CNTN4: variants seen among roughly 807,000 people sequenced by gnomAD.
CNTN4 encodes the protein contactin-4.
In CNTN4, 77 loss-of-function variants were observed where a neutral mutation model predicts 122.5. The ratio of observed to expected loss-of-function variants is 0.63; its 90% confidence interval spans 0.52 to 0.76. The LOEUF (loss-of-function observed/expected upper bound fraction) is 0.76. Ranked by LOEUF, CNTN4 falls within the 30% of genes least tolerant of loss-of-function variation. The probability of loss-of-function intolerance (pLI) is 0.00; values close to 1 mark genes in which losing one functional copy is unlikely to be tolerated. For missense variants in CNTN4, 1,256 were observed against 1,259.1 expected, an observed-to-expected ratio of 1.00 and a Z score of 0.04; for synonymous variants, 512 against 447.0, an observed-to-expected ratio of 1.15 and a Z score of -1.83.
chr3:2,571,100 G>A (rs1394048692), intron 3 of CNTN4, among the ~76,000 whole-genome samples: 1 of 152,070 alleles, frequency 6.6e-6, no homozygotes, highest in East Asian at 1.9e-4. Flanking sequence ...AACAGGATCT[G>A]GACAAAGAGA....
intron 6 of CNTN4, among the ~76,000 whole-genome samples, chr3:2,746,865 T>C (rs2089798170): frequency 6.6e-6 from 1 of 152,224 alleles, no homozygotes; most frequent in Admixed American, 6.5e-5. Flanking sequence ...GAATAATATG[T>C]GTGATTGAAT....
rs1491374676 is a variant in CNTN4, at chr3:2,573,704, T to TC, written c.55+2146_55+2147insC. 3.3e-5 allele frequency among the ~76,000 whole-genome samples: 5 copies of TC among 152,196 alleles called. No homozygotes were observed. The East Asian group carries it at 9.6e-4, about 29-fold the overall frequency. On this transcript the variant is annotated intron_variant, in intron 4 of 24. Transcript: ENST00000418658. ...TTCTCACCTAAGGTGTGTGTGTAAC[T>TC]GTATCTATTTTATTCACTTAGCTTT...
At chr3:3,022,110 G>A (rs1051946534) in intron 14 of CNTN4, among the ~76,000 whole-genome samples, 1 of 151,660 alleles carries the variant, frequency 6.6e-6, no homozygotes, top group Non-Finnish European at 1.5e-5. Context: ...TGGGCATGGT[G>A]GTGTGCACCT....
At chr3:2,592,212 T>G (rs1251784509) in intron 4 of CNTN4, among the ~76,000 whole-genome samples, 2 of 152,214 alleles carry the variant, frequency 1.3e-5, no homozygotes, top group Admixed American at 1.3e-4. Flanking sequence ...GGCCCTGACT[T>G]TTTATTGTCT....
intron 6 of CNTN4, among the ~76,000 whole-genome samples, chr3:2,762,157 G>A (rs2090620354): frequency 6.6e-6 from 1 of 152,182 alleles, no homozygotes; most frequent in Non-Finnish European, 1.5e-5. Flanking sequence ...GGCAGAATAA[G>A]CAGTAGAAAA....
chr3:2,896,765 A>C (rs994985797), intron 10 of CNTN4, among the ~76,000 whole-genome samples: 9 of 152,166 alleles, frequency 5.9e-5, no homozygotes, highest in African/African-American at 2.2e-4. Context: ...ACTAAAGCCA[A>C]GTAATTATCT....
chr3:2,567,932 C>T (rs1346039728), intron 3 of CNTN4, among the ~76,000 whole-genome samples: 1 of 152,140 alleles, frequency 6.6e-6, no homozygotes, highest in Non-Finnish European at 1.5e-5. Context: ...ACTTACTGCA[C>T]ACATTGCACC....
chr3:2,365,730 A>AT (rs2045351998), intron 3 of CNTN4, among the ~76,000 whole-genome samples: 2 of 152,160 alleles, frequency 1.3e-5, no homozygotes, highest in Admixed American at 6.5e-5. Flanking sequence ...TAAATAAAAA[A>AT]ATATATATAT....
chr3:2,865,639 A>G (rs1481120794), intron 7 of CNTN4, among the ~76,000 whole-genome samples: 1 of 152,206 alleles, frequency 6.6e-6, no homozygotes, highest in Non-Finnish European at 1.5e-5. Context: ...AGTAGCTAGT[A>G]TATCACTTCT....
chr3:2,859,834 C>A (rs1046111295), intron 7 of CNTN4, among the ~76,000 whole-genome samples: 1 of 152,068 alleles, frequency 6.6e-6, no homozygotes, highest in Admixed American at 6.5e-5. Context: ...CCGTAACTTC[C>A]ACCCACAATT....
intron 3 of CNTN4, among the ~76,000 whole-genome samples, chr3:2,462,575 T>C (rs879322843): frequency 6.6e-6 from 1 of 152,236 alleles, no homozygotes; most frequent in Admixed American, 6.5e-5. Flanking sequence ...AAACCTATTT[T>C]GCAGATTTTG....
intron 6 of CNTN4, among the ~76,000 whole-genome samples, chr3:2,757,874 G>C (rs77470387): frequency 6.8e-4 from 103 of 152,258 alleles, no homozygotes; most frequent in African/African-American, 2.3e-3. Flanking sequence ...TAAACTCTCA[G>C]TAGATGGCAC....
At chr3:2,779,114 C>G (rs535855491) in intron 6 of CNTN4, among the ~76,000 whole-genome samples, 1 of 152,198 alleles carries the variant, frequency 6.6e-6, no homozygotes, top group African/African-American at 2.4e-5. Flanking sequence ...AAGCAAGCCA[C>G]GTTTTTATGA....
At chr3:2,256,024 C>A (rs1041551945) in intron 2 of CNTN4, among the ~76,000 whole-genome samples, 3 of 151,738 alleles carry the variant, frequency 2.0e-5, no homozygotes, top group Admixed American at 2.0e-4. Flanking sequence ...AAAAGATTAG[C>A]AAAATAGATA....
rs1189360141 is a variant in CNTN4, at chr3:3,057,218, T to G, written c.*998T>G. ...TTCTTATATATAATATGTGTATCTC[T>G]GTAATAATAGAGCCCTTCTTTTGAA... On this transcript the variant is annotated 3_prime_UTR_variant, in exon 25 of 25. Transcript: ENST00000418658. The G allele has an allele frequency of 1.3e-5, 2 of 152,652 alleles. No homozygotes were observed. The highest frequency in any genetic ancestry group is 2.4e-5 in the African/African-American group (1 of 41,484). 9.5% of individuals were successfully genotyped at this position (152,652 alleles called of 1,614,324 possible).
At chr3:2,963,678 C>T (rs748086996) in intron 13 of CNTN4, among the ~76,000 whole-genome samples, 1 of 152,226 alleles carries the variant, frequency 6.6e-6, no homozygotes, top group South Asian at 2.1e-4. Context: ...GTGCCCCCAA[C>T]ACACACCAAA....
chr3:2,873,473 G>A (rs1577114059), intron 8 of CNTN4, among the ~76,000 whole-genome samples: 1 of 152,196 alleles, frequency 6.6e-6, no homozygotes, highest in Non-Finnish European at 1.5e-5. Flanking sequence ...ACCTCCTAGT[G>A]GCTCAGAAGA....
At chr3:2,447,168 T>C (rs1645611877) in intron 3 of CNTN4, among the ~76,000 whole-genome samples, 1 of 152,140 alleles carries the variant, frequency 6.6e-6, no homozygotes, top group Non-Finnish European at 1.5e-5. Flanking sequence ...TATTTAACAT[T>C]TATTTCTTGA....
intron 10 of CNTN4, among the ~76,000 whole-genome samples, chr3:2,893,915 C>T (rs928846842): frequency 1.3e-5 from 2 of 152,094 alleles, no homozygotes; most frequent in Non-Finnish European, 2.9e-5. Context: ...TTGGATACCT[C>T]AAAGAGCCTT....
Sources: gnomAD v4.1 joint callset for allele counts (sites outside exome capture counted in the v4.1 genomes callset) on GRCh38, gnomAD v4.1.1 for gene constraint, MANE v1.5 for transcripts, NCBI Gene and HGNC (gene_info 2026-07-23, HGNC 2026-07-21) for gene names.